GPC5: variants seen among roughly 807,000 people sequenced by gnomAD.
The protein encoded by GPC5 is glypican-5.
In GPC5, 47 loss-of-function variants were observed where a neutral mutation model predicts 53.9. That is an observed-to-expected ratio of 0.87 (90% CI 0.69 to 1.11). The LOEUF (loss-of-function observed/expected upper bound fraction) is 1.11, where lower values mean the gene tolerates loss of function less well. Among genes scored for constraint, GPC5 ranks in the 50% most tolerant of loss-of-function variants. The pLI is 0.00. For synonymous variants in GPC5, 286 were observed against 263.3 expected (o/e 1.09, Z -0.84); for missense variants, 748 against 713.1 (o/e 1.05, Z -0.56).
At chr13:92,662,706 A>G (rs1165428660) in intron 7 of GPC5, among the ~76,000 whole-genome samples, 1 of 152,164 alleles carries the variant, frequency 6.6e-6, no homozygotes, top group Non-Finnish European at 1.5e-5. Flanking sequence ...GTTTCCACTA[A>G]CCAGTGACCG....
intron 2 of GPC5, among the ~76,000 whole-genome samples, chr13:91,499,815 C>T (rs941720172): frequency 1.3e-5 from 2 of 152,188 alleles, no homozygotes; most frequent in African/African-American, 4.8e-5. Context: ...CAATCTAAAA[C>T]AGATACATGG....
At chr13:91,903,924 A>C (rs2039524586) in intron 5 of GPC5, among the ~76,000 whole-genome samples, 1 of 152,046 alleles carries the variant, frequency 6.6e-6, no homozygotes, top group Non-Finnish European at 1.5e-5. Context: ...TAAATCAATT[A>C]ATAGCTTAAT....
intron 6 of GPC5, among the ~76,000 whole-genome samples, chr13:92,067,973 ATTAC>A (rs1330680529): frequency 6.6e-6 from 1 of 151,960 alleles, no homozygotes; most frequent in East Asian, 1.9e-4. Context: ...ATAAGCCTGT[ATTAC>A]TTTGTAAAGG....
chr13:91,774,839 C>A (rs536739502), intron 5 of GPC5, among the ~76,000 whole-genome samples: 1 of 152,138 alleles, frequency 6.6e-6, no homozygotes, highest in Non-Finnish European at 1.5e-5. Context: ...CAGCCCAGAC[C>A]GCCTTTTTGC....
chr13:91,579,043 C>T (rs1326950991), intron 2 of GPC5, among the ~76,000 whole-genome samples: 1 of 152,122 alleles, frequency 6.6e-6, no homozygotes, highest in Admixed American at 6.6e-5. Flanking sequence ...GAAACCCTGT[C>T]TCTAAATAAA....
chr13:91,717,555 G>C (rs570999495), intron 3 of GPC5, among the ~76,000 whole-genome samples: 92 of 152,002 alleles, frequency 6.1e-4, no homozygotes, highest in African/African-American at 2.1e-3. Context: ...AACAGCCTTT[G>C]CTTGCACATT....
intron 7 of GPC5, among the ~76,000 whole-genome samples, chr13:92,438,447 G>A (rs1003917996): frequency 7.9e-5 from 12 of 151,286 alleles, no homozygotes; most frequent in African/African-American, 2.9e-4. Context: ...GCTTAAGCAT[G>A]GGTGACATAG....
At chr13:92,357,153 T>C (rs1426843398) in intron 7 of GPC5, among the ~76,000 whole-genome samples, 1 of 151,776 alleles carries the variant, frequency 6.6e-6, no homozygotes, top group Non-Finnish European at 1.5e-5. Flanking sequence ...GTCTTCGCTG[T>C]GTTAATAGTA....
chr13:91,481,299 A>G (rs940314351), intron 2 of GPC5, among the ~76,000 whole-genome samples: 2 of 152,136 alleles, frequency 1.3e-5, no homozygotes, highest in Non-Finnish European at 2.9e-5. Flanking sequence ...TTCAAACATG[A>G]ACCATTGTGC....
intron 2 of GPC5, among the ~76,000 whole-genome samples, chr13:91,620,289 A>G (rs2139359435): frequency 6.6e-6 from 1 of 152,280 alleles, no homozygotes; most frequent in African/African-American, 2.4e-5. Flanking sequence ...GTAAATATAA[A>G]GAGCTATGCT....
At chr13:91,528,701 C>A (rs992772453) in intron 2 of GPC5, among the ~76,000 whole-genome samples, 7 of 152,126 alleles carry the variant, frequency 4.6e-5, no homozygotes, top group Non-Finnish European at 1.0e-4. Context: ...TATAAAGAAC[C>A]CCCTGAGAGT....
At chr13:91,741,726 C>T (rs1400597377) in intron 4 of GPC5, among the ~76,000 whole-genome samples, 1 of 152,062 alleles carries the variant, frequency 6.6e-6, no homozygotes, top group African/African-American at 2.4e-5. Context: ...TGATATTACA[C>T]ACTGAGTATA....
At chr13:91,930,677 A>G (rs1293262277) in intron 6 of GPC5, among the ~76,000 whole-genome samples, 1 of 152,008 alleles carries the variant, frequency 6.6e-6, no homozygotes, top group Non-Finnish European at 1.5e-5. Flanking sequence ...ACCACCCTAA[A>G]CAGTACTAAA....
At chr13:92,535,218 G>T (rs1186789908) in intron 7 of GPC5, among the ~76,000 whole-genome samples, 1 of 152,056 alleles carries the variant, frequency 6.6e-6, no homozygotes, top group African/African-American at 2.4e-5. Flanking sequence ...TCTTCTCTGA[G>T]TCCATATGTT....
At chr13:92,264,374 A>G (rs981166531) in intron 7 of GPC5, among the ~76,000 whole-genome samples, 1 of 152,184 alleles carries the variant, frequency 6.6e-6, no homozygotes, top group Non-Finnish European at 1.5e-5. Flanking sequence ...TAGGCAAAAG[A>G]GAGGTGAGCC....
intron 7 of GPC5, among the ~76,000 whole-genome samples, chr13:92,850,642 A>G (rs1878763561): frequency 1.3e-5 from 2 of 152,146 alleles, no homozygotes; most frequent in Non-Finnish European, 2.9e-5. Flanking sequence ...AGCATCAGTT[A>G]TCCTTGGTAG....
At chr13:91,953,448 G>A (rs2040045333) in intron 6 of GPC5, among the ~76,000 whole-genome samples, 1 of 151,968 alleles carries the variant, frequency 6.6e-6, no homozygotes, top group Non-Finnish European at 1.5e-5. Context: ...TACCGAGTAT[G>A]TACAAACCAA....
At chr13:92,555,507 A>G (rs909652720) in intron 7 of GPC5, among the ~76,000 whole-genome samples, 4 of 151,404 alleles carry the variant, frequency 2.6e-5, no homozygotes, top group Non-Finnish European at 5.9e-5. Flanking sequence ...AACCTACTTA[A>G]TTAAAAACAG....
At chr13:91,917,748 C>G (rs140323135) in intron 6 of GPC5, among the ~76,000 whole-genome samples, 2 of 152,200 alleles carry the variant, frequency 1.3e-5, no homozygotes, top group Non-Finnish European at 2.9e-5. Context: ...CAGTTCCCAA[C>G]AAGTTCCTCA....
Sources: allele counts gnomAD v4.1 joint callset (sites outside exome capture counted in the v4.1 genomes callset), GRCh38; gene constraint gnomAD v4.1.1; transcripts MANE v1.5; gene names NCBI Gene and HGNC (gene_info 2026-07-23, HGNC 2026-07-21).